RTN4RL1: variants seen among roughly 807,000 people sequenced by gnomAD.
RTN4RL1 encodes the protein reticulon 4 receptor like 1.
Under a neutral mutation model 25.6 loss-of-function variants are expected in RTN4RL1, and 7 were observed. That is an observed-to-expected ratio of 0.27 (90% CI 0.16 to 0.51). The LOEUF is 0.51. Among genes scored for constraint, RTN4RL1 ranks in the 20% least tolerant of loss-of-function variants. The probability of loss-of-function intolerance (pLI) is 0.97; values close to 1 mark genes in which losing one functional copy is unlikely to be tolerated. For synonymous variants in RTN4RL1, 297 were observed against 288.2 expected (o/e 1.03, Z -0.31); for missense variants, 500 against 615.6 (o/e 0.81, Z 1.99).
At chr17:1,955,496 C>T (rs1440933732) in intron 1 of RTN4RL1, among the ~76,000 whole-genome samples, 1 of 151,638 alleles carries the variant, frequency 6.6e-6, no homozygotes, top group African/African-American at 2.4e-5. Context: ...GTCAAGGCTG[C>T]TGTTAACCAT....
At chr17:2,023,236 ACC>A (rs1186955534) in intron 1 of RTN4RL1, among the ~76,000 whole-genome samples, 1 of 152,120 alleles carries the variant, frequency 6.6e-6, no homozygotes, top group Middle Eastern at 3.4e-3. Flanking sequence ...AGTTTCTCAG[ACC>A]CGGGCTTCTG....
At chr17:2,001,752 C>T (rs2066958840) in intron 1 of RTN4RL1, among the ~76,000 whole-genome samples, 1 of 152,202 alleles carries the variant, frequency 6.6e-6, no homozygotes, top group African/African-American at 2.4e-5. Flanking sequence ...CTCGAGCAGC[C>T]CCTCCTCAAT....
At chr17:1,987,684 G>T (rs2066892629) in intron 1 of RTN4RL1, among the ~76,000 whole-genome samples, 1 of 151,072 alleles carries the variant, frequency 6.6e-6, no homozygotes, top group Admixed American at 6.6e-5. Flanking sequence ...CACAGCACCT[G>T]TTTGCCTGCA....
chr17:1,987,137 T>C lies in RTN4RL1; in HGVS notation c.13+37716A>G, dbSNP rs568320668. On this transcript the variant is annotated intron_variant, in intron 1 of 1. Coordinates refer to ENST00000331238, the MANE Select transcript of RTN4RL1 (RefSeq NM_178568.4). ...CAGGGAGTTTGGGCCACCCATGATA[T>C]GTTCCCCTCCTTTTAGCCACAGAAC... 2.6e-5 allele frequency among the ~76,000 whole-genome samples: 4 copies of C among 152,236 alleles called. No homozygotes were observed. The East Asian group carries it at 7.7e-4, about 29-fold the overall frequency.
intron 1 of RTN4RL1, chr17:2,018,932 A>G (rs1356488905): frequency 6.6e-6 from 1 of 152,292 alleles, no homozygotes; most frequent in African/African-American, 2.4e-5. Flanking sequence ...GTTTCCAGCT[A>G]GCATCCATGT....
chr17:2,012,476 A>G (rs4790305), intron 1 of RTN4RL1, among the ~76,000 whole-genome samples: 61,858 of 152,056 alleles, frequency 0.41, 12,844 homozygotes, highest in Middle Eastern at 0.48. Flanking sequence ...GGCATTGCAC[A>G]GGGAAAAGTG....
At chr17:1,957,939 G>A (rs772471165) in intron 1 of RTN4RL1, among the ~76,000 whole-genome samples, 1 of 152,116 alleles carries the variant, frequency 6.6e-6, no homozygotes, top group Non-Finnish European at 1.5e-5. Context: ...CACTTTGGGA[G>A]GCCGAGGCAG....
intron 1 of RTN4RL1, among the ~76,000 whole-genome samples, chr17:1,968,532 G>A (rs183122879): frequency 1.8e-3 from 275 of 152,316 alleles, no homozygotes; most frequent in African/African-American, 6.2e-3. Flanking sequence ...CTTGCAGGAG[G>A]ATTTCTGACT....
intron 1 of RTN4RL1, among the ~76,000 whole-genome samples, chr17:2,022,660 C>G (rs2067223823): frequency 6.6e-6 from 1 of 152,212 alleles, no homozygotes; most frequent in Non-Finnish European, 1.5e-5. Context: ...AAACTGCCTG[C>G]CCAGGAAAGA....
chr17:1,948,250 C>T (rs1015996707), intron 1 of RTN4RL1, among the ~76,000 whole-genome samples: 1 of 152,234 alleles, frequency 6.6e-6, no homozygotes, highest in African/African-American at 2.4e-5. Context: ...CCTGGCAGTG[C>T]TCTGCAGGAA....
At chr17:1,942,826 G>C (rs529989547) in intron 1 of RTN4RL1, among the ~76,000 whole-genome samples, 1 of 152,190 alleles carries the variant, frequency 6.6e-6, no homozygotes. Flanking sequence ...TGCCAGGATG[G>C]TGGGAAGGGA....
rs757468650 is a variant in RTN4RL1, at chr17:1,937,498, G to A, written c.324C>T (p.Gly108=). ...GFVHLEELDL[G]DNRQLRTLAP... is the part of the protein sequence containing the mutation. The stretch of plus-strand genomic sequence containing the variant: ...CCAGCGTCCGCAGCTGCCGGTTGTC[G>A]CCGAGGTCCAGCTCCTCCAGGTGCA... The change falls in exon 2 of 2, where the codon GGC becomes GGT. Residue 108 remains glycine (G), a synonymous_variant. Coordinates refer to ENST00000331238, the MANE Select transcript of RTN4RL1 (RefSeq NM_178568.4). 6.2e-6 allele frequency: 10 copies of A among 1,613,848 alleles called. No individual in the cohort carries two copies. The highest frequency in any genetic ancestry group is 4.5e-5 in the East Asian group (2 of 44,894).
rs1380025364 is a variant in RTN4RL1 at position 2,011,788 on chromosome 17, A to G, written c.13+13065T>C. On this transcript the variant is annotated intron_variant, in intron 1 of 1. Transcript: ENST00000331238. ...AATTAGGTAAGATGATCATTGCCAC[A>G]ATCTCAAGGCAGCCCCGGGGCTAAC... Among the ~76,000 whole-genome samples, 3 of 152,242 alleles carry G rather than the reference A, an allele frequency of 2.0e-5. No homozygotes were observed. In the East Asian group the frequency reaches 5.8e-4, roughly 29 times the overall value.
rs2066767783 is a variant in RTN4RL1, at chr17:1,962,191, G to A, written c.14-24383C>T. Among the ~76,000 whole-genome samples, 3 of 150,996 alleles carry A rather than the reference G, an allele frequency of 2.0e-5. No homozygotes were observed. The South Asian group carries it at 6.3e-4, about 32-fold the overall frequency. The stretch of plus-strand genomic sequence containing the variant: ...GCTACTCAGGAGGCAGAGGTGGGAG[G>A]ATTGCTTGAGCCTGGGAGGTGAAGA... On this transcript the variant is annotated intron_variant, in intron 1 of 1. Coordinates refer to ENST00000331238, the MANE Select transcript of RTN4RL1 (RefSeq NM_178568.4).
rs143410798 is a variant in RTN4RL1, at chr17:1,996,130, G to A, written c.13+28723C>T. Among the ~76,000 whole-genome samples the A allele has an allele frequency of 1.1e-3, 169 of 152,258 alleles. 1 individual carries two copies. The highest frequency in any genetic ancestry group is 3.7e-3 in the African/African-American group (153 of 41,548). ...GGAGGAGCAGGAAGGCAATTTTCCC[G>A]GTACTCTCATCATCTGCCTTCCATG... On this transcript the variant is annotated intron_variant, in intron 1 of 1. Coordinates refer to ENST00000331238, the MANE Select transcript of RTN4RL1 (RefSeq NM_178568.4).
At chr17:2,001,185 C>T (rs532897054) in intron 1 of RTN4RL1, among the ~76,000 whole-genome samples, 2 of 151,602 alleles carry the variant, frequency 1.3e-5, no homozygotes, top group Admixed American at 6.6e-5. Context: ...CCACGCCTGG[C>T]CTTTCATTTA....
chr17:1,982,664 G>T (rs555409405), intron 1 of RTN4RL1, among the ~76,000 whole-genome samples: 2 of 150,018 alleles, frequency 1.3e-5, no homozygotes, highest in African/African-American at 2.4e-5. Flanking sequence ...CTGGGAAGGG[G>T]CAGTTCCACA....
In RTN4RL1 at chr17:1,935,684, G is replaced by A. The variant is rs1428695172; in HGVS notation, c.*812C>T. 31 of 918,584 alleles carry A rather than the reference G, an allele frequency of 3.4e-5. No homozygotes were observed. Among genetic ancestry groups the A allele is most frequent in the South Asian group, 5.1e-5 (1 of 19,556 alleles). 56.9% of individuals were successfully genotyped at this position (918,584 alleles called of 1,614,324 possible). On this transcript the variant is annotated 3_prime_UTR_variant, in exon 2 of 2. Coordinates refer to ENST00000331238, the MANE Select transcript of RTN4RL1 (RefSeq NM_178568.4). ...ATGAAAAGACGTACAGTTAGGTAAC[G>A]GAGTGGGAGGGGGACTGTGCATTTG...
intron 1 of RTN4RL1, among the ~76,000 whole-genome samples, chr17:1,939,909 G>A (rs1345822213): frequency 6.6e-6 from 1 of 152,208 alleles, no homozygotes; most frequent in Non-Finnish European, 1.5e-5. Context: ...TAGCTTTCCA[G>A]CCAGGCCTCA....
Sources: gnomAD v4.1 joint callset for allele counts (sites outside exome capture counted in the v4.1 genomes callset) on GRCh38, gnomAD v4.1.1 for gene constraint, MANE v1.5 for transcripts, NCBI Gene and HGNC (gene_info 2026-07-23, HGNC 2026-07-21) for gene names.